Variants in EHMT2 observed in about 807,000 individuals in gnomAD.
EHMT2 encodes the protein euchromatic histone lysine methyltransferase 2.
EHMT2 carries 59 observed loss-of-function variants against 143.3 expected under a neutral mutation model. That is an observed-to-expected ratio of 0.41 (90% CI 0.33 to 0.51). The LOEUF (loss-of-function observed/expected upper bound fraction) is 0.51, where lower values mean the gene tolerates loss of function less well. Among genes scored for constraint, EHMT2 ranks in the 20% least tolerant of loss-of-function variants. EHMT2 has a pLI of 0.18. For synonymous variants in EHMT2, 604 were observed against 651.5 expected (o/e 0.93, Z 1.11); for missense variants, 1,174 against 1,645.9 (o/e 0.71, Z 4.96).
chr6:31,892,415 C>T lies in EHMT2; in HGVS notation c.856G>A (p.Asp286Asn), dbSNP rs771809781. ...GACCAGCTCTGTCTCACCTTGCTGT[C>T]GGAGTCCACGCGCTCATCCACAGAG... Residue 286 changes from aspartate to asparagine, a missense_variant, in exon 7 of 28, where the codon GAC (aspartate) becomes AAC (asparagine). By Grantham distance (23) the Asp-to-Asn change is conservative. Around this residue, in one of 6 missense-constraint regions of EHMT2, gnomAD observed 399 missense variants for 404.4 expected, o/e 0.99. Transcript: ENST00000375537. The T allele has an allele frequency of 3.1e-6, 5 of 1,612,726 alleles. No homozygotes were observed. The highest frequency in any genetic ancestry group is 1.1e-5 in the South Asian group (1 of 91,056).
At position 31,881,727 on chromosome 6, in the gene EHMT2, GAGA is replaced by G. The variant is rs1764133964; in HGVS notation, c.3198-638_3198-636del. Among the ~76,000 whole-genome samples, 4 of 152,224 alleles carry G rather than the reference GAGA, an allele frequency of 2.6e-5. No homozygotes were observed. The highest frequency in any genetic ancestry group is 1.3e-4 in the Admixed American group (2 of 15,286). On this transcript the variant is annotated intron_variant, in intron 25 of 27. Transcript: ENST00000375537. The surrounding 1 kb of genome is among the most constrained non-coding windows in gnomAD (Gnocchi z 4.8). The stretch of plus-strand genomic sequence containing the variant: ...CCCAGCAGGAAGGGGCTGCTTGCCA[GAGA>G]AGTTGAGAGATGACATGATGGAAAG...
chr6:31,890,947 T>A (rs573120358), intron 7 of EHMT2, among the ~76,000 whole-genome samples: 72 of 145,656 alleles, frequency 4.9e-4, no homozygotes, highest in African/African-American at 1.7e-3. Context: ...CAAAAAAAAA[T>A]TTTTTTTTTT....
chr6:31,885,054 C>G (rs1345957429), intron 18 of EHMT2, 38 bp from the exon 19 acceptor site: 2 of 1,571,994 alleles, frequency 1.3e-6, no homozygotes, highest in East Asian at 2.3e-5. Flanking sequence ...GGGCAGCTGG[C>G]CCTGCTCACC....
intron 15 of EHMT2, 128 bp from the exon 16 acceptor site, chr6:31,887,229 T>C (rs1392113250): frequency 1.3e-6 from 1 of 755,700 alleles, no homozygotes; most frequent in Non-Finnish European, 2.2e-6. Context: ...CCTGGCATTC[T>C]CCGAGCTTGC....
At position 31,880,816 on chromosome 6, in the gene EHMT2, G is replaced by C. The variant is rs774343603; in HGVS notation, c.3309C>G (p.Tyr1103Ter). Residue 1103 changes from tyrosine to a stop codon, truncating the protein, a stop_gained, in exon 27 of 28, where the codon TAC (tyrosine) becomes TAG (stop). Transcript: ENST00000375537. LOFTEE classifies it high-confidence loss of function. This position sits in a 1 kb window ranked among gnomAD's most constrained non-coding sequence, Gnocchi z 6.6. ...TGATGAAGCGGCTGATGTTGCCATA[G>C]TAACGGGCATCTATGCAGTACACCT... The C allele has an allele frequency of 6.2e-7, 1 of 1,613,940 alleles. No homozygotes were observed. Among genetic ancestry groups the C allele is most frequent in the Non-Finnish European group, 8.5e-7 (1 of 1,180,030 alleles).
chr6:31,881,139 G>A lies in EHMT2; in HGVS notation c.3198-47C>T. On this transcript the variant is annotated intron_variant, in intron 25 of 27. Transcript: ENST00000375537. This position sits in a 1 kb window ranked among gnomAD's most constrained non-coding sequence, Gnocchi z 4.8. ...TTCTGAAGGTGAGTGTGGGCTATTA[G>A]GAGGTGGCTCCAGGCCCCATCTCTC... The A allele has an allele frequency of 6.5e-7, 1 of 1,543,404 alleles. No homozygotes were observed. The highest frequency in any genetic ancestry group is 8.9e-7 in the Non-Finnish European group (1 of 1,117,378).
chr6:31,897,508 C>T, intron 1 of EHMT2, 128 bp downstream of exon 1: 1 of 657,094 alleles, frequency 1.5e-6, no homozygotes, highest in Non-Finnish European at 2.0e-6. Context: ...GGTGCTGGCC[C>T]CCTGGATTGC....
rs1581872618 is a variant in EHMT2, at chr6:31,880,454, A to G, written c.3453-190T>C. On this transcript the variant is annotated intron_variant, in intron 27 of 27. Transcript: ENST00000375537. The surrounding 1 kb of genome is among the most constrained non-coding windows in gnomAD (Gnocchi z 6.6). ...TTGCCTGGGGACTTTTTAGAAATGC[A>G]GAATCCTGGGCCCCATCCCAAGCCT... 1 of 837,474 alleles carries G rather than the reference A, an allele frequency of 1.2e-6. No homozygotes were observed. Among genetic ancestry groups the G allele is most frequent in the East Asian group, 2.7e-5 (1 of 37,274 alleles). The allele number at this position is 837,474 out of a possible 1,614,324, so 51.9% of individuals were successfully genotyped here.
chr6:31,896,069 C>T, intron 4 of EHMT2, 194 bp downstream of exon 4: 1 of 660,148 alleles, frequency 1.5e-6, no homozygotes, highest in Non-Finnish European at 2.4e-6. Flanking sequence ...CTTTCACCAC[C>T]CAAGAATGTA....
At position 31,881,224 on chromosome 6, in the gene EHMT2, T is replaced by G; in HGVS notation, c.3198-132A>C. ...TGGCAGGTGTGGGGAAGGGAAGGCCTGGAGCAGCAGTGGTGGGCAAGTGAA... is the reference window on the plus strand; with the variant it reads ...TGGCAGGTGTGGGGAAGGGAAGGCCGGGAGCAGCAGTGGTGGGCAAGTGAA... On this transcript the variant is annotated intron_variant, in intron 25 of 27. Transcript: ENST00000375537. The surrounding 1 kb of genome is among the most constrained non-coding windows in gnomAD (Gnocchi z 4.8). The G allele has an allele frequency of 1.3e-6, 1 of 794,388 alleles. No homozygotes were observed. Among genetic ancestry groups the G allele is most frequent in the Non-Finnish European group, 2.2e-6 (1 of 461,336 alleles). The allele number at this position is 794,388 out of a possible 1,614,324, so 49.2% of individuals were successfully genotyped here.
exon 17 of EHMT2, chr6:31,886,802 C>T (rs750077880): frequency 9.9e-6 from 16 of 1,614,132 alleles, no homozygotes; most frequent in African/African-American, 2.7e-5. Flanking sequence ...CACCACGCTG[C>T]ACCATGTAAC....
chr6:31,880,874 A>C lies in EHMT2; in HGVS notation c.3277-26T>G. On this transcript the variant is annotated intron_variant, in intron 26 of 27. Coordinates refer to ENST00000375537, the Ensembl canonical transcript of EHMT2. The surrounding 1 kb of genome is among the most constrained non-coding windows in gnomAD (Gnocchi z 6.6). ...CTGGGGCAGGGGGATGGCACTCTTC[A>C]CATCTCCCCCGACCCTGCTTGCCCT... is the stretch of plus-strand genomic sequence containing the variant. 1.9e-6 allele frequency: 3 copies of C among 1,612,100 alleles called. No homozygotes were observed. The South Asian group carries it at 3.3e-5, about 18-fold the overall frequency.
At position 31,880,186 on chromosome 6, in the gene EHMT2, G is replaced by A; in HGVS notation, c.3531C>T (p.His1177=). 1.2e-6 allele frequency: 2 copies of A among 1,613,072 alleles called. No homozygotes were observed. The highest frequency in any genetic ancestry group is 1.7e-6 in the Non-Finnish European group (2 of 1,180,038). Reference sequence around the variant, plus strand: ...GCTCCAGGGCAATGGCTTCGGCTGAGTGCTTGCACTTCTCAGAGCCACATT... The same window carrying A: ...GCTCCAGGGCAATGGCTTCGGCTGAATGCTTGCACTTCTCAGAGCCACATT... Residue 1177 remains histidine, a synonymous_variant, in exon 28 of 28, where the codon CAC becomes CAT. Coordinates refer to ENST00000375537, the Ensembl canonical transcript of EHMT2. The surrounding 1 kb of genome is among the most constrained non-coding windows in gnomAD (Gnocchi z 6.6).
In EHMT2 at chr6:31,884,016, A is replaced by T; in HGVS notation, c.2772-66T>A. On this transcript the variant is annotated intron_variant, in intron 21 of 27. Transcript: ENST00000375537. This position sits in a 1 kb window ranked among gnomAD's most constrained non-coding sequence, Gnocchi z 7.3. ...GGGGTGAGGAGCTACTCCAGGTATA[A>T]GGAAGAGAGTTGGGGAGGTTCCTGG... 1 of 1,572,626 alleles carries T rather than the reference A, an allele frequency of 6.4e-7. No individual in the cohort carries two copies. The highest frequency in any genetic ancestry group is 8.6e-7 in the Non-Finnish European group (1 of 1,156,628).
intron 4 of EHMT2, chr6:31,893,332 T>C: frequency 2.3e-6 from 1 of 443,196 alleles, no homozygotes; most frequent in Non-Finnish European, 4.5e-6. Flanking sequence ...AGATATACTT[T>C]TTTTAAGAGA....
intron 4 of EHMT2, chr6:31,895,267 A>C (rs999853140): frequency 6.6e-6 from 1 of 152,252 alleles, no homozygotes; most frequent in Non-Finnish European, 1.5e-5. Context: ...TCTGTGAGAC[A>C]AAGAACAATG....
In EHMT2 at chr6:31,889,746, G is replaced by T. The variant is rs1034445643; in HGVS notation, c.865-144C>A. ...GTGTGGGTAGCAGAGGAGACAAAGG[G>T]CCACATAAAGAGAGGGTGCATGGAA... On this transcript the variant is annotated intron_variant, in intron 7 of 27. Transcript: ENST00000375537. This position sits in a 1 kb window ranked among gnomAD's most constrained non-coding sequence, Gnocchi z 5.1. 32 of 1,000,108 alleles carry T rather than the reference G, an allele frequency of 3.2e-5. No individual in the cohort carries two copies. Among genetic ancestry groups the T allele is most frequent in the Non-Finnish European group, 4.5e-5 (30 of 659,534 alleles). The allele number at this position is 1,000,108 out of a possible 1,614,324, so 62.0% of individuals were successfully genotyped here.
intron 25 of EHMT2, among the ~76,000 whole-genome samples, chr6:31,882,365 C>G (rs977126660): frequency 6.6e-6 from 1 of 151,794 alleles, no homozygotes; most frequent in African/African-American, 2.4e-5. Context: ...GGCTCAAACC[C>G]AAGTCTGTTT....
chr6:31,896,953 C>G, exon 2 of EHMT2: 1 of 1,590,556 alleles, frequency 6.3e-7, no homozygotes, highest in East Asian at 2.2e-5. Flanking sequence ...GTTTCCTTCT[C>G]CAGCAGCAGC....
Sources: allele counts gnomAD v4.1 joint callset (sites outside exome capture counted in the v4.1 genomes callset), GRCh38; gene constraint gnomAD v4.1.1; regional missense constraint gnomAD v4.1.1; non-coding constraint Gnocchi (gnomAD v3.1); transcripts MANE v1.5; gene names NCBI Gene and HGNC (gene_info 2026-07-23, HGNC 2026-07-21).